The following ARHGEF10L variants were observed in gnomAD, a reference collection of about 807,000 sequenced individuals.
ARHGEF10L encodes rho guanine nucleotide exchange factor 10-like protein.
A neutral mutation model predicts 141.2 loss-of-function variants in ARHGEF10L; 69 were observed. The ratio of observed to expected loss-of-function variants is 0.49; its 90% confidence interval spans 0.40 to 0.60. ARHGEF10L has a LOEUF of 0.60. ARHGEF10L is among the 20% of genes least tolerant of loss of function. The probability of loss-of-function intolerance (pLI) is 0.00; values close to 1 mark genes in which losing one functional copy is unlikely to be tolerated. For missense variants in ARHGEF10L, 1,482 were observed against 1,734.3 expected, an observed-to-expected ratio of 0.85 and a Z score of 2.58; for synonymous variants, 711 against 718.5, an observed-to-expected ratio of 0.99 and a Z score of 0.17.
chr1:17,541,506 G>T (rs1363961669), intron 1 of ARHGEF10L, among the ~76,000 whole-genome samples: 2 of 152,232 alleles, frequency 1.3e-5, no homozygotes, highest in Admixed American at 1.3e-4. Context: ...GCGAAAGCTG[G>T]TGTACTGCTC....
chr1:17,693,871 C>A (rs1163896455), intron 27 of ARHGEF10L, among the ~76,000 whole-genome samples: 2 of 152,166 alleles, frequency 1.3e-5, no homozygotes, highest in Non-Finnish European at 2.9e-5. Context: ...GGAGACAGCC[C>A]TTTAGAAAGG....
chr1:17,641,990 G>GA (rs922766506), intron 21 of ARHGEF10L, among the ~76,000 whole-genome samples: 79 of 127,616 alleles, frequency 6.2e-4, no homozygotes, highest in East Asian at 2.0e-3. Context: ...TAAAAAAAAA[G>GA]AAAAAAAAAA....
chr1:17,696,388 C>T (rs1235024430), intron 28 of ARHGEF10L, among the ~76,000 whole-genome samples: 1 of 152,044 alleles, frequency 6.6e-6, no homozygotes, highest in African/African-American at 2.4e-5. Flanking sequence ...CTGATGGTCT[C>T]CTGGGGGTCA....
intron 27 of ARHGEF10L, among the ~76,000 whole-genome samples, chr1:17,690,965 A>G (rs1030537513): frequency 4.6e-5 from 7 of 152,208 alleles, no homozygotes; most frequent in African/African-American, 1.2e-4. Context: ...TAATTGCATA[A>G]TTAGTAATAA....
intron 4 of ARHGEF10L, among the ~76,000 whole-genome samples, chr1:17,591,017 C>T (rs1008915779): frequency 1.5e-4 from 23 of 152,090 alleles, no homozygotes; most frequent in African/African-American, 5.6e-4. Context: ...ACAAAACCAA[C>T]CAAAGAATAC....
chr1:17,527,208 G>C, the ARHGEF10L span, among the ~76,000 whole-genome samples: 4 of 152,192 alleles, frequency 2.6e-5, no homozygotes, highest in Non-Finnish European at 5.9e-5. Context: ...ATGCAGGGGT[G>C]GGGGAAGGGG....
chr1:17,574,889 C>T lies in ARHGEF10L; in HGVS notation c.-43-5664C>T, dbSNP rs542350390. 5.3e-5 allele frequency among the ~76,000 whole-genome samples: 8 copies of T among 152,296 alleles called. No homozygotes were observed. The South Asian group carries it at 1.2e-3, about 24-fold the overall frequency. On this transcript the variant is annotated intron_variant, in intron 1 of 28. Transcript: ENST00000361221. ...GGTTTGCATCCCCTTCTCTTCCTTC[C>T]GGGCCCCGGGCTTTCAGGACAGGCA...
rs112508108 is a variant in ARHGEF10L at position 17,687,659 on chromosome 1, C to A, written c.3096C>A (p.Ser1032=). 6.2e-7 allele frequency: 1 copy of A among 1,612,536 alleles called. No individual in the cohort carries two copies. Among genetic ancestry groups the A allele is most frequent in the Admixed American group, 1.7e-5 (1 of 59,956 alleles). Residue 1032 remains serine (S), a synonymous_variant, in exon 27 of 29, where the codon TCC becomes TCA. Transcript: ENST00000361221. ...AGSGVWMAFS[S]GTSIRLFHTE... Reference sequence around the variant, plus strand: ...GCGGCGTCTGGATGGCCTTCTCCTCCGGCACCTCCATCCGCCTCTTCCACA... The same window carrying A: ...GCGGCGTCTGGATGGCCTTCTCCTCAGGCACCTCCATCCGCCTCTTCCACA...
intron 26 of ARHGEF10L, among the ~76,000 whole-genome samples, chr1:17,679,379 T>C (rs2063935175): frequency 6.6e-6 from 1 of 152,192 alleles, no homozygotes; most frequent in Admixed American, 6.5e-5. Context: ...GATCCATCCA[T>C]GGCTTGGAGG....
chr1:17,597,351 C>G (rs990608828), intron 4 of ARHGEF10L, among the ~76,000 whole-genome samples: 4 of 152,068 alleles, frequency 2.6e-5, no homozygotes, highest in Non-Finnish European at 4.4e-5. Flanking sequence ...GGCAGCCCTG[C>G]GTGGCTTCCA....
Position 17,620,352 on chromosome 1 carries a change from C to T in ARHGEF10L, c.942+907C>T, listed in dbSNP as rs550334728. ...AAACAGGGTGCGAGATCCCTGATTC[C>T]TCTGGCTGTGAGGCCACTGAGCAGG... is the stretch of plus-strand genomic sequence containing the variant. On this transcript the variant is annotated intron_variant, in intron 10 of 28. Transcript: ENST00000361221. 1.6e-4 allele frequency among the ~76,000 whole-genome samples: 25 copies of T among 152,336 alleles called. No homozygotes were observed. In the East Asian group the frequency reaches 4.6e-3, roughly 28 times the overall value.
At chr1:17,610,038 T>C (rs1357958969) in intron 7 of ARHGEF10L, among the ~76,000 whole-genome samples, 1 of 152,160 alleles carries the variant, frequency 6.6e-6, no homozygotes, top group East Asian at 1.9e-4. Flanking sequence ...TCCCATGTTG[T>C]CCCCGGCCCT....
intron 26 of ARHGEF10L, among the ~76,000 whole-genome samples, chr1:17,665,813 C>T (rs1244908163): frequency 6.6e-6 from 1 of 152,156 alleles, no homozygotes; most frequent in East Asian, 1.9e-4. Flanking sequence ...AGAGTCGGCT[C>T]ATGGGGTGAT....
intron 20 of ARHGEF10L, 127 bp downstream of exon 20, chr1:17,638,816 G>A: frequency 7.3e-7 from 1 of 1,372,960 alleles, no homozygotes; most frequent in Non-Finnish European, 9.8e-7. Flanking sequence ...TGGATATGTA[G>A]GCATCGTGGG....
intron 26 of ARHGEF10L, among the ~76,000 whole-genome samples, chr1:17,677,041 C>T (rs980138286): frequency 3.9e-5 from 6 of 152,098 alleles, no homozygotes; most frequent in South Asian, 4.2e-4. Flanking sequence ...CCTCAGGGCC[C>T]GGCAGGCATG....
intron 19 of ARHGEF10L, 31 bp downstream of exon 19, chr1:17,638,034 G>A: frequency 6.5e-7 from 1 of 1,547,126 alleles, no homozygotes; most frequent in South Asian, 1.2e-5. Context: ...TTTTTGGCCT[G>A]AGCTCCCCAG....
chr1:17,667,110 G>A (rs1038276242), intron 26 of ARHGEF10L, among the ~76,000 whole-genome samples: 19 of 152,208 alleles, frequency 1.2e-4, no homozygotes, highest in Non-Finnish European at 8.8e-5. Context: ...CTAGCACAGC[G>A]TCTGACTCAG....
rs1247742302 is a variant in ARHGEF10L at position 17,618,192 on chromosome 1, G to T, written c.836-1147G>T. 1.2e-5 allele frequency: 10 copies of T among 813,196 alleles called. No homozygotes were observed. The Admixed American group carries it at 1.4e-4, about 11-fold the overall frequency. The allele number at this position is 813,196 out of a possible 1,614,324, so 50.4% of individuals were successfully genotyped here. ...AAGACAGGATAACGTGGCCAGGCCA[G>T]CTGGCTGGGAACTCTTCCTGGGTCA... On this transcript the variant is annotated intron_variant, in intron 9 of 28. Coordinates refer to ENST00000361221, the MANE Select transcript of ARHGEF10L (RefSeq NM_018125.4).
chr1:17,550,755 G>A (rs1423085129), intron 1 of ARHGEF10L, among the ~76,000 whole-genome samples: 1 of 152,116 alleles, frequency 6.6e-6, no homozygotes. Flanking sequence ...GGGGACAGGT[G>A]TGACCACCCA....
Sources: gnomAD v4.1 joint callset for allele counts (sites outside exome capture counted in the v4.1 genomes callset) on GRCh38, gnomAD v4.1.1 for gene constraint, MANE v1.5 for transcripts, NCBI Gene and HGNC (gene_info 2026-07-23, HGNC 2026-07-21) for gene names.